Variants in PSKH1 observed in about 807,000 individuals in gnomAD.
PSKH1 encodes the protein serine/threonine-protein kinase H1.
A neutral mutation model predicts 26.7 loss-of-function variants in PSKH1; 12 were observed. The observed-to-expected ratio is 0.45, with a 90% CI of 0.29 to 0.73. The LOEUF (loss-of-function observed/expected upper bound fraction) is 0.73, where lower values mean the gene tolerates loss of function less well. Among genes scored for constraint, PSKH1 ranks in the 30% least tolerant of loss-of-function variants. The pLI, the probability that PSKH1 is intolerant of heterozygous loss-of-function variation, is 0.11. For missense variants in PSKH1, 431 were observed against 595.2 expected (o/e 0.72, Z 2.87); for synonymous variants, 213 against 234.3 (o/e 0.91, Z 0.83).
intron 2 of PSKH1, among the ~76,000 whole-genome samples, chr16:67,918,572 G>A (rs529112923): frequency 6.6e-6 from 1 of 151,588 alleles, no homozygotes; most frequent in African/African-American, 2.4e-5. Flanking sequence ...AAGGGGCAAT[G>A]AGCTTGACCA....
intron 2 of PSKH1, among the ~76,000 whole-genome samples, chr16:67,924,108 T>C (rs1411074207): frequency 6.6e-6 from 1 of 152,234 alleles, no homozygotes; most frequent in Non-Finnish European, 1.5e-5. Context: ...GTGTTCAGCC[T>C]GACTTTCCTC....
In PSKH1 at chr16:67,927,630, A is replaced by G. The variant is rs1458075728; in HGVS notation, c.1263A>G (p.Gln421=). ...LRELNLRYQQ[Q]YNG is the part of the protein sequence containing the mutation. ...AGCTCAACCTGCGCTACCAGCAGCAATACAATGGCTGAGCCGCCTGGCTGT... is the reference window on the plus strand; with the variant it reads ...AGCTCAACCTGCGCTACCAGCAGCAGTACAATGGCTGAGCCGCCTGGCTGT... The change falls in exon 3 of 3, where the codon CAA becomes CAG. Residue 421 remains glutamine (Q), a synonymous_variant. Transcript: ENST00000291041. This position sits in a 1 kb window ranked among gnomAD's most constrained non-coding sequence, Gnocchi z 5.5. 3.7e-6 allele frequency: 6 copies of G among 1,604,572 alleles called. No homozygotes were observed. The highest frequency in any genetic ancestry group is 2.2e-5 in the East Asian group (1 of 44,816).
In PSKH1 at chr16:67,893,353, A is replaced by C. The variant is rs933150028; in HGVS notation, c.-89A>C. Reference sequence around the variant, plus strand: ...CGGCAGAGCCGCCGAGACGCCGAAGAGCCCGCCGCCCGCGCGAGGTGAGGC... The same window carrying C: ...CGGCAGAGCCGCCGAGACGCCGAAGCGCCCGCCGCCCGCGCGAGGTGAGGC... On this transcript the variant is annotated 5_prime_UTR_variant, in exon 1 of 3. Coordinates refer to ENST00000291041, the MANE Select transcript of PSKH1 (RefSeq NM_006742.3). 6.5e-6 allele frequency: 1 copy of C among 153,224 alleles called. No individual in the cohort carries two copies. Among genetic ancestry groups the C allele is most frequent in the Non-Finnish European group, 1.5e-5 (1 of 68,824 alleles). 9.5% of individuals were successfully genotyped at this position (153,224 alleles called of 1,614,324 possible). A position where few individuals can be genotyped will look rare whatever the true frequency, so the allele number is the denominator to read the frequency against.
intron 2 of PSKH1, among the ~76,000 whole-genome samples, chr16:67,919,316 T>G (rs2058195928): frequency 6.6e-6 from 1 of 152,220 alleles, no homozygotes; most frequent in East Asian, 1.9e-4. Flanking sequence ...TGACCCCTGC[T>G]CCCAGAGTCA....
At chr16:67,900,783 G>T (rs1236491645) in intron 1 of PSKH1, among the ~76,000 whole-genome samples, 2 of 152,076 alleles carry the variant, frequency 1.3e-5, no homozygotes, top group Non-Finnish European at 2.9e-5. Flanking sequence ...AAGTTTTGGA[G>T]GCAGACTCTA....
intron 2 of PSKH1, among the ~76,000 whole-genome samples, chr16:67,911,860 C>G (rs1319060435): frequency 1.3e-5 from 2 of 152,228 alleles, no homozygotes; most frequent in Non-Finnish European, 2.9e-5. Flanking sequence ...CATGTCATGC[C>G]TCTCAAAGGT....
Position 67,899,642 on chromosome 16 carries a change from TTTTA to T in PSKH1, c.-71+6287_-71+6290del, listed in dbSNP as rs1306291998. Reference sequence around the variant, plus strand: ...GAGCCACTGTGCCAGCCCACATTTCTTTTATTTATTTATTTATTTTTTTGAGATG... The same window carrying T: ...GAGCCACTGTGCCAGCCCACATTTCTTTTATTTATTTATTTTTTTGAGATG... On this transcript the variant is annotated intron_variant, in intron 1 of 2. Coordinates refer to ENST00000291041, the MANE Select transcript of PSKH1 (RefSeq NM_006742.3). 3.4e-5 allele frequency among the ~76,000 whole-genome samples: 5 copies of T among 145,324 alleles called. No homozygotes were observed. The East Asian group carries it at 6.2e-4, about 18-fold the overall frequency.
At chr16:67,898,854 C>T (rs2058133878) in intron 1 of PSKH1, among the ~76,000 whole-genome samples, 1 of 152,006 alleles carries the variant, frequency 6.6e-6, no homozygotes, top group African/African-American at 2.4e-5. Flanking sequence ...AACTCCTGAC[C>T]TCGTGATCCG....
At chr16:67,911,105 G>A (rs1004129347) in intron 2 of PSKH1, among the ~76,000 whole-genome samples, 7 of 152,232 alleles carry the variant, frequency 4.6e-5, no homozygotes, top group Non-Finnish European at 8.8e-5. Flanking sequence ...TGGTGTGCTG[G>A]GAAGGCTGTG....
intron 1 of PSKH1, among the ~76,000 whole-genome samples, chr16:67,900,535 G>A (rs2058138665): frequency 6.6e-6 from 1 of 152,194 alleles, no homozygotes; most frequent in East Asian, 1.9e-4. Context: ...GCCCAGCACT[G>A]CTGGAGTCTT....
At chr16:67,897,470 T>A (rs2058129566) in intron 1 of PSKH1, among the ~76,000 whole-genome samples, 2 of 152,176 alleles carry the variant, frequency 1.3e-5, no homozygotes, top group African/African-American at 2.4e-5. Context: ...GCTGCCAGCC[T>A]TGAAATGGCC....
intron 2 of PSKH1, among the ~76,000 whole-genome samples, chr16:67,924,817 G>A (rs1456101512): frequency 2.0e-5 from 3 of 152,282 alleles, no homozygotes; most frequent in East Asian, 3.9e-4. Flanking sequence ...CTGTTCAGCT[G>A]TGTGTGTGCT....
chr16:67,893,752 C>T (rs1338683987), intron 1 of PSKH1, among the ~76,000 whole-genome samples: 3 of 152,228 alleles, frequency 2.0e-5, no homozygotes, highest in South Asian at 2.1e-4. Flanking sequence ...TACTCCACAC[C>T]CCTCCTTTGC....
chr16:67,922,772 T>G (rs1275019686), intron 2 of PSKH1, among the ~76,000 whole-genome samples: 2 of 152,194 alleles, frequency 1.3e-5, no homozygotes, highest in African/African-American at 4.8e-5. Flanking sequence ...TCTAACCCTT[T>G]AACGTATCCC....
intron 1 of PSKH1, among the ~76,000 whole-genome samples, chr16:67,894,949 G>A (rs1232298085): frequency 6.7e-6 from 1 of 148,354 alleles, no homozygotes; most frequent in Admixed American, 6.7e-5. Flanking sequence ...TTTTGAGACG[G>A]AGTTTTGCTC....
chr16:67,908,652 T>C, intron 1 of PSKH1, 28 bp from the exon 2 acceptor site: 1 of 1,066,568 alleles, frequency 9.4e-7, no homozygotes, highest in Non-Finnish European at 1.3e-6. Context: ...GGCCTGGCTG[T>C]GCTGACTTGT....
At chr16:67,903,379 T>G (rs1411342136) in intron 1 of PSKH1, among the ~76,000 whole-genome samples, 1 of 152,048 alleles carries the variant, frequency 6.6e-6, no homozygotes, top group Admixed American at 6.6e-5. Flanking sequence ...CTTGAACTCC[T>G]GGACTCAAGT....
chr16:67,911,497 A>T (rs772793819), intron 2 of PSKH1, among the ~76,000 whole-genome samples: 5 of 152,218 alleles, frequency 3.3e-5, no homozygotes, highest in Admixed American at 6.5e-5. Flanking sequence ...AGCCTGGCCA[A>T]CATGGTGAAA....
intron 1 of PSKH1, among the ~76,000 whole-genome samples, chr16:67,894,995 C>T (rs1431811513): frequency 3.4e-5 from 5 of 146,150 alleles, no homozygotes; most frequent in Non-Finnish European, 4.4e-5. Flanking sequence ...GCGATCTTGG[C>T]TCACTGCAAC....
Sources: allele counts gnomAD v4.1 joint callset (sites outside exome capture counted in the v4.1 genomes callset), GRCh38; gene constraint gnomAD v4.1.1; non-coding constraint Gnocchi (gnomAD v3.1); transcripts MANE v1.5; gene names NCBI Gene and HGNC (gene_info 2026-07-23, HGNC 2026-07-21).